KPTN: variants seen among roughly 807,000 people sequenced by gnomAD.
The protein encoded by KPTN is kaptin, actin binding protein.
Under a neutral mutation model 52.6 loss-of-function variants are expected in KPTN, and 36 were observed. The observed-to-expected ratio is 0.68, with a 90% CI of 0.52 to 0.90. KPTN has a LOEUF of 0.90. Ranked by LOEUF, KPTN falls within the 40% of genes least tolerant of loss-of-function variation. The pLI is 0.00. For synonymous variants in KPTN, 271 were observed against 248.4 expected (o/e 1.09, Z -0.85); for missense variants, 529 against 576.2 (o/e 0.92, Z 0.84).
chr19:47,476,850 C>T lies in KPTN; in HGVS notation c.952G>A (p.Val318Met). 6.3e-7 allele frequency: 1 copy of T among 1,576,922 alleles called. No homozygotes were observed. Among genetic ancestry groups the T allele is most frequent in the Non-Finnish European group, 8.6e-7 (1 of 1,160,782 alleles). The change falls in exon 10 of 12, where the codon GTG becomes ATG. Residue 318 changes from valine (V) to methionine (M), a missense_variant. Val to Met is a conservative substitution (Grantham distance 21). Transcript: ENST00000338134. ...DSVLCSLVTD[V>M]DLDGRPEVLV... Reference sequence around the variant, plus strand: ...ACTTCTGGCCGCCCATCCAAATCCACATCGGTGACCAGGCTGCAGAGGACG... The same window carrying T: ...ACTTCTGGCCGCCCATCCAAATCCATATCGGTGACCAGGCTGCAGAGGACG...
At chr19:47,483,855 C>A in intron 1 of KPTN, 80 bp downstream of exon 1, 2 of 1,568,426 alleles carry the variant, frequency 1.3e-6, no homozygotes, top group African/African-American at 1.4e-5. Flanking sequence ...AGCACGGTGA[C>A]CCGGCTCAGA....
In KPTN at chr19:47,483,223, C is replaced by T; in HGVS notation, c.395-8G>A. On this transcript the variant is annotated splice_polypyrimidine_tract_variant and splice_region_variant and intron_variant, in intron 3 of 11. Transcript: ENST00000338134. ...CCAGGTTCAGGCAGCTCTCTGTAGG[C>T]AGGGCACAGGCAGGTTAGCATGGGG... is the stretch of plus-strand genomic sequence containing the variant. 1 of 1,614,048 alleles carries T rather than the reference C, an allele frequency of 6.2e-7. No homozygotes were observed. The highest frequency in any genetic ancestry group is 8.5e-7 in the Non-Finnish European group (1 of 1,180,016).
upstream of KPTN, among the ~76,000 whole-genome samples, chr19:47,485,583 G>A (rs1968048955): frequency 3.9e-5 from 6 of 152,294 alleles, no homozygotes; most frequent in South Asian, 1.2e-3. Context: ...CCTTGATCAC[G>A]GCCTTATCGC....
At position 47,480,416 on chromosome 19, in the gene KPTN, C is replaced by CG. The variant is rs1435468151; in HGVS notation, c.600-10dup. ...CGTCCAGCCAGAGGACGCTGGCGGG[C>CG]GGGTGGATGGACAGGACGGACGGCC... On this transcript the variant is annotated splice_polypyrimidine_tract_variant and intron_variant, in intron 6 of 11. Transcript: ENST00000338134. 3.3e-6 allele frequency: 5 copies of CG among 1,537,024 alleles called. No homozygotes were observed. The highest frequency in any genetic ancestry group is 1.4e-5 in the African/African-American group (1 of 72,530).
At chr19:47,481,196 G>C (rs1967869326) in intron 4 of KPTN, among the ~76,000 whole-genome samples, 163 bp from the exon 5 acceptor site, 1 of 152,146 alleles carries the variant, frequency 6.6e-6, no homozygotes, top group Non-Finnish European at 1.5e-5. Flanking sequence ...CCTGAGTACT[G>C]TATCTCCTTG....
intron 8 of KPTN, among the ~76,000 whole-genome samples, chr19:47,478,809 T>C (rs964382349): frequency 6.6e-6 from 1 of 152,066 alleles, no homozygotes; most frequent in African/African-American, 2.4e-5. Flanking sequence ...AACCAAAAAA[T>C]GTATGTTCTC....
chr19:47,480,854 C>T (rs760632958), intron 5 of KPTN, 21 bp from the exon 6 acceptor site: 9 of 1,613,760 alleles, frequency 5.6e-6, no homozygotes, highest in Non-Finnish European at 5.1e-6. Flanking sequence ...CAAGACCCAC[C>T]CCACCCCCGC....
In KPTN at chr19:47,476,281, C is replaced by G. The variant is rs919918589; in HGVS notation, c.1182+251G>C. ...CTGAGATCGAGTCACTGCGCTAGAGCCTGGGTGACAGAGCAAGACTCTGTC... is the reference window on the plus strand; with the variant it reads ...CTGAGATCGAGTCACTGCGCTAGAGGCTGGGTGACAGAGCAAGACTCTGTC... On this transcript the variant is annotated intron_variant, in intron 11 of 11. Coordinates refer to ENST00000338134, the MANE Select transcript of KPTN (RefSeq NM_007059.4). The G allele has an allele frequency of 5.9e-5, 16 of 271,168 alleles. No individual in the cohort carries two copies. The Admixed American group carries it at 7.2e-4, about 12-fold the overall frequency. The allele number at this position is 271,168 out of a possible 1,614,324, so 16.8% of individuals were successfully genotyped here.
At chr19:47,483,692 C>A in intron 1 of KPTN, 108 bp from the exon 2 acceptor site, 1 of 939,492 alleles carries the variant, frequency 1.1e-6, no homozygotes, top group Non-Finnish European at 1.6e-6. Flanking sequence ...GGTCTGAGTC[C>A]TGACCACCAT....
rs964649682 is a variant in KPTN, at chr19:47,484,190, C to T, written c.-30G>A. On this transcript the variant is annotated 5_prime_UTR_variant, in exon 1 of 12. Coordinates refer to ENST00000338134, the MANE Select transcript of KPTN (RefSeq NM_007059.4). ...CTCAGTTAAGCACCCTCTCCGCAGC[C>T]CCCGCCCCAACCCGCACTACCCAAC... is the stretch of plus-strand genomic sequence containing the variant. 4 of 1,577,744 alleles carry T rather than the reference C, an allele frequency of 2.5e-6. No homozygotes were observed. The highest frequency in any genetic ancestry group is 3.4e-6 in the Non-Finnish European group (4 of 1,167,222).
chr19:47,476,999 C>T lies in KPTN; in HGVS notation c.864-61G>A, dbSNP rs778527543. On this transcript the variant is annotated intron_variant, in intron 9 of 11. Coordinates refer to ENST00000338134, the MANE Select transcript of KPTN (RefSeq NM_007059.4). Reference sequence around the variant, plus strand: ...AGCTTGCAGTGCCCAGCACCCTTGGCGGATGCTAAGCTGGGTACCGGTACT... The same window carrying T: ...AGCTTGCAGTGCCCAGCACCCTTGGTGGATGCTAAGCTGGGTACCGGTACT... 43 of 1,515,704 alleles carry T rather than the reference C, an allele frequency of 2.8e-5. 1 individual carries two copies. The highest frequency in any genetic ancestry group is 4.2e-4 in the Middle Eastern group (2 of 4,734). 93.9% of individuals were successfully genotyped at this position (1,515,704 alleles called of 1,614,324 possible).
chr19:47,480,671 C>T, intron 6 of KPTN, 89 bp downstream of exon 6: 2 of 1,228,096 alleles, frequency 1.6e-6, no homozygotes, highest in Non-Finnish European at 2.4e-6. Flanking sequence ...AGCTCCTCCC[C>T]GGTGACCAAT....
At chr19:47,482,111 G>C (rs1967896480) in intron 4 of KPTN, among the ~76,000 whole-genome samples, 1 of 152,190 alleles carries the variant, frequency 6.6e-6, no homozygotes, top group African/African-American at 2.4e-5. Flanking sequence ...ATTCACAGGT[G>C]CTCCATCAAC....
chr19:47,477,088 T>C, intron 9 of KPTN, 150 bp from the exon 10 acceptor site: 1 of 810,686 alleles, frequency 1.2e-6, no homozygotes, highest in South Asian at 1.8e-5. Flanking sequence ...ATCTCAGATT[T>C]GGACATATTC....
chr19:47,483,918 A>G lies in KPTN; in HGVS notation c.226+17T>C. On this transcript the variant is annotated intron_variant, in intron 1 of 11. Transcript: ENST00000338134. ...ACGTTCCAGGCCCCCGCCCCCCAGC[A>G]CCATAGCGCCACCCACCGGGAATGT... 1 of 1,611,422 alleles carries G rather than the reference A, an allele frequency of 6.2e-7. No homozygotes were observed. Among genetic ancestry groups the G allele is most frequent in the Non-Finnish European group, 8.5e-7 (1 of 1,179,248 alleles).
rs3745174 is a variant in KPTN at position 47,477,747 on chromosome 19, G to A, written c.822C>T (p.Ser274=). ...TKDRPLQDEY[S]VLVASMLEPA... is the part of the protein sequence containing the mutation. ...GCTCCAACATGCTGGCCACGAGCAC[G>A]CTGTACTCATCTTGTAGTGGCCTGT... is the stretch of plus-strand genomic sequence containing the variant. Residue 274 remains serine (S), a synonymous_variant, in exon 9 of 12, where the codon AGC becomes AGT. Coordinates refer to ENST00000338134, the MANE Select transcript of KPTN (RefSeq NM_007059.4). The A allele has an allele frequency of 2.3e-4, 369 of 1,613,660 alleles. 7 individuals carry two copies. The East Asian group carries it at 8.0e-3, about 35-fold the overall frequency.
intron 8 of KPTN, among the ~76,000 whole-genome samples, chr19:47,478,577 A>AAAAAAAAAAAAG (rs1967758589): frequency 6.6e-6 from 1 of 150,502 alleles, no homozygotes; most frequent in Non-Finnish European, 1.5e-5. Flanking sequence ...TAAAAAAAAA[A>AAAAAAAAAAAAG]AAAAAAAAAA....
Position 47,476,670 on chromosome 19 carries a change from A to G in KPTN, c.1044T>C (p.Pro348=), listed in dbSNP as rs765387912. The change falls in exon 11 of 12, where the codon CCT becomes CCC. Residue 348 remains proline, a synonymous_variant. Coordinates refer to ENST00000338134, the MANE Select transcript of KPTN (RefSeq NM_007059.4). Reference sequence around the variant, plus strand: ...GCAGATGGAACCCGTGCTGGGCCTCAGGAAGCCCCGACTCTGGGCCCCGGT... The same window carrying G: ...GCAGATGGAACCCGTGCTGGGCCTCGGGAAGCCCCGACTCTGGGCCCCGGT... ...YKYRGPESGL[P]EAQHGFHLLW... 2 of 1,612,852 alleles carry G rather than the reference A, an allele frequency of 1.2e-6. No homozygotes were observed. Among genetic ancestry groups the G allele is most frequent in the Non-Finnish European group, 1.7e-6 (2 of 1,179,650 alleles).
chr19:47,477,846 G>C, intron 8 of KPTN, 65 bp from the exon 9 acceptor site: 1 of 1,173,346 alleles, frequency 8.5e-7, no homozygotes, highest in Non-Finnish European at 1.3e-6. Context: ...GATCAGCTGA[G>C]GTCAGGAGTT....
Sources: allele counts gnomAD v4.1 joint callset (sites outside exome capture counted in the v4.1 genomes callset), GRCh38; gene constraint gnomAD v4.1.1; transcripts MANE v1.5; gene names NCBI Gene and HGNC (gene_info 2026-07-23, HGNC 2026-07-21).